MGAT4C: variants seen among roughly 807,000 people sequenced by gnomAD.
The protein encoded by MGAT4C is MGAT4 family member C.
A neutral mutation model predicts 40.1 loss-of-function variants in MGAT4C; 19 were observed. The ratio of observed to expected loss-of-function variants is 0.47; its 90% confidence interval spans 0.33 to 0.70. MGAT4C has a LOEUF of 0.70. MGAT4C is among the 30% of genes least tolerant of loss of function. The pLI is 0.02. For synonymous variants in MGAT4C, 181 were observed against 187.1 expected (o/e 0.97, Z 0.27); for missense variants, 491 against 563.2 (o/e 0.87, Z 1.30).
chr12:86,106,515 G>T (rs1205127680), intron 1 of MGAT4C, among the ~76,000 whole-genome samples: 1 of 152,066 alleles, frequency 6.6e-6, no homozygotes, highest in Non-Finnish European at 1.5e-5. Context: ...ATCTTATCCA[G>T]GCTGTTCTTG....
intron 3 of MGAT4C, among the ~76,000 whole-genome samples, chr12:86,391,655 G>T (rs146725354): frequency 6.6e-6 from 1 of 151,858 alleles, no homozygotes; most frequent in African/African-American, 2.4e-5. Context: ...TCAGGAGATC[G>T]AGACCATCCT....
chr12:86,504,126 C>A (rs951683873), intron 2 of MGAT4C, among the ~76,000 whole-genome samples: 1 of 151,748 alleles, frequency 6.6e-6, no homozygotes, highest in African/African-American at 2.4e-5. Context: ...TGAAGAGATG[C>A]CACTGTAAAT....
intron 1 of MGAT4C, among the ~76,000 whole-genome samples, chr12:86,222,971 A>G (rs1210208705): frequency 6.6e-6 from 1 of 152,178 alleles, no homozygotes; most frequent in African/African-American, 2.4e-5. Context: ...GAACTCCTCG[A>G]CTTCTGTGGG....
intron 1 of MGAT4C, among the ~76,000 whole-genome samples, chr12:86,727,952 A>G (rs1950850762): frequency 6.6e-6 from 1 of 152,132 alleles, no homozygotes; most frequent in African/African-American, 2.4e-5. Flanking sequence ...TTAACTGAAG[A>G]AGCTCTTGAG....
At chr12:86,028,079 A>G (rs1890397668) in intron 2 of MGAT4C, 1 of 1,247,074 alleles carries the variant, frequency 8.0e-7, no homozygotes, top group African/African-American at 1.5e-5. Context: ...TAAATCTTCC[A>G]TCAACTACCT....
At position 85,979,926 on chromosome 12, in the gene MGAT4C, T is replaced by C. The variant is rs769121552; in HGVS notation, c.800A>G (p.His267Arg). ...AAAATGGGCCAAACGTGGGAGATCA[T>C]GAGAATGATAGAGTTTACCAATGTA... Reference protein sequence around the residue: ...LGYIGKLYHSHDLPRLAHFLL... With the variant: ...LGYIGKLYHSRDLPRLAHFLL... The change falls in exon 5 of 5, where the codon CAT becomes CGT. Residue 267 changes from histidine to arginine, a missense_variant. His to Arg is a conservative substitution (Grantham distance 29). Transcript: ENST00000611864. The C allele has an allele frequency of 6.2e-7, 1 of 1,613,822 alleles. No individual in the cohort carries two copies. The highest frequency in any genetic ancestry group is 8.5e-7 in the Non-Finnish European group (1 of 1,179,838).
chr12:86,084,228 A>G (rs2135550502), intron 1 of MGAT4C, among the ~76,000 whole-genome samples: 1 of 152,178 alleles, frequency 6.6e-6, no homozygotes, highest in Middle Eastern at 3.4e-3. Context: ...TAGAAAAATA[A>G]TTTTGGGCAA....
At chr12:86,400,042 G>A (rs147702501) in intron 3 of MGAT4C, among the ~76,000 whole-genome samples, 17 of 152,300 alleles carry the variant, frequency 1.1e-4, no homozygotes, top group South Asian at 2.1e-4. Flanking sequence ...GTGTGACTGA[G>A]TCCTCAATCT....
In MGAT4C at chr12:86,064,534, G is replaced by A. The variant is rs150049313; in HGVS notation, c.-56-14811C>T. 2.2e-3 allele frequency among the ~76,000 whole-genome samples: 337 copies of A among 152,196 alleles called. 3 individuals carry two copies. Among genetic ancestry groups the A allele is most frequent in the Middle Eastern group, 0.01 (3 of 294 alleles). Reference sequence around the variant, plus strand: ...AAACCAATGATAAAAAAGACACAACGTACCAGAATCTCTGAGACACATTTA... The same window carrying A: ...AAACCAATGATAAAAAAGACACAACATACCAGAATCTCTGAGACACATTTA... On this transcript the variant is annotated intron_variant, in intron 1 of 4. Transcript: ENST00000611864.
At position 86,514,627 on chromosome 12, in the gene MGAT4C, C is replaced by G. The variant is rs112222437; in HGVS notation, c.-228-79362G>C. On this transcript the variant is annotated intron_variant, in intron 2 of 7. Coordinates refer to the MGAT4C transcript ENST00000548651. ...CTGACTCTCTATCTTCTGCCTTTCT[C>G]TTCCAGATAAAAGAACCCTGTGACT... Among the ~76,000 whole-genome samples the G allele has an allele frequency of 3.4e-3, 511 of 152,310 alleles. 1 individual carries two copies. The highest frequency in any genetic ancestry group is 0.012 in the African/African-American group (495 of 41,564).
chr12:86,206,784 T>C (rs905895702), intron 1 of MGAT4C, among the ~76,000 whole-genome samples: 1 of 152,162 alleles, frequency 6.6e-6, no homozygotes, highest in African/African-American at 2.4e-5. Flanking sequence ...ATATTTTCAG[T>C]TTCATATCGG....
intron 1 of MGAT4C, among the ~76,000 whole-genome samples, chr12:86,168,088 T>C (rs1435952645): frequency 1.3e-5 from 2 of 152,194 alleles, no homozygotes; most frequent in African/African-American, 2.4e-5. Flanking sequence ...CAGTGTTCTC[T>C]TTATCAAATA....
At chr12:86,136,615 TC>T (rs1428265655) in intron 1 of MGAT4C, among the ~76,000 whole-genome samples, 1 of 152,192 alleles carries the variant, frequency 6.6e-6, no homozygotes, top group Non-Finnish European at 1.5e-5. Flanking sequence ...CAAGATCCCA[TC>T]AGTTATTTCT....
At chr12:86,452,982 G>T (rs1489340390) in intron 2 of MGAT4C, among the ~76,000 whole-genome samples, 1 of 152,088 alleles carries the variant, frequency 6.6e-6, no homozygotes, top group East Asian at 1.9e-4. Context: ...GAAATCTTCA[G>T]TCACATGAGT....
At chr12:86,209,260 T>C (rs1270679627) in intron 1 of MGAT4C, among the ~76,000 whole-genome samples, 1 of 152,086 alleles carries the variant, frequency 6.6e-6, no homozygotes, top group African/African-American at 2.4e-5. Context: ...GCAAGAATTA[T>C]ATAATTAAAG....
chr12:86,676,047 A>G (rs1964391371), intron 2 of MGAT4C, among the ~76,000 whole-genome samples: 2 of 152,142 alleles, frequency 1.3e-5, no homozygotes, highest in African/African-American at 4.8e-5. Context: ...AGACAGTTGT[A>G]ACCCATATGA....
At chr12:86,543,411 T>C (rs1272551780) in intron 2 of MGAT4C, among the ~76,000 whole-genome samples, 21 of 151,814 alleles carry the variant, frequency 1.4e-4, no homozygotes, top group Admixed American at 1.4e-3. Context: ...AGTAAAAATA[T>C]ATAAATTATA....
chr12:86,399,893 G>A (rs934462701), intron 3 of MGAT4C, among the ~76,000 whole-genome samples: 11 of 152,188 alleles, frequency 7.2e-5, no homozygotes, highest in Admixed American at 6.5e-4. Context: ...GTTTCTTTGT[G>A]TTCTGTGTCC....
At chr12:86,155,598 G>T (rs1884835927) in intron 1 of MGAT4C, among the ~76,000 whole-genome samples, 1 of 152,164 alleles carries the variant, frequency 6.6e-6, no homozygotes, top group Non-Finnish European at 1.5e-5. Context: ...ATATGCAAAG[G>T]TATGAAGGAG....
Sources: allele counts gnomAD v4.1 joint callset (sites outside exome capture counted in the v4.1 genomes callset), GRCh38; gene constraint gnomAD v4.1.1; transcripts MANE v1.5; gene names NCBI Gene and HGNC (gene_info 2026-07-23, HGNC 2026-07-21).